ARHGAP26: variants seen among roughly 807,000 people sequenced by gnomAD.
The protein encoded by ARHGAP26 is Rho GTPase activating protein 26.
ARHGAP26 carries 38 observed loss-of-function variants against 104.8 expected under a neutral mutation model. The observed-to-expected ratio is 0.36, with a 90% CI of 0.28 to 0.48. The LOEUF is 0.48. Among genes scored for constraint, ARHGAP26 ranks in the 20% least tolerant of loss-of-function variants. ARHGAP26 has a pLI of 0.99. For synonymous variants in ARHGAP26, 341 were observed against 340.0 expected (o/e 1.00, Z -0.03); for missense variants, 704 against 947.9 (o/e 0.74, Z 3.38).
At chr5:142,975,266 G>T (rs887314662) in intron 11 of ARHGAP26, among the ~76,000 whole-genome samples, 2 of 152,072 alleles carry the variant, frequency 1.3e-5, no homozygotes, top group African/African-American at 4.8e-5. Context: ...TATAAAAGGG[G>T]TAGGACTAGA....
intron 11 of ARHGAP26, among the ~76,000 whole-genome samples, chr5:143,007,194 G>GAA (rs34602049): frequency 2.2e-4 from 15 of 69,514 alleles, no homozygotes; most frequent in Non-Finnish European, 2.6e-4. Context: ...CTCTGTCTCC[G>GAA]AAAAAAAAAA....
intron 1 of ARHGAP26, among the ~76,000 whole-genome samples, chr5:142,782,760 C>T (rs1269030320): frequency 6.6e-6 from 1 of 152,084 alleles, no homozygotes; most frequent in Non-Finnish European, 1.5e-5. Context: ...TCTATTATAC[C>T]TTACAATATT....
At chr5:142,910,888 C>T (rs914517830) in intron 9 of ARHGAP26, among the ~76,000 whole-genome samples, 4 of 152,318 alleles carry the variant, frequency 2.6e-5, no homozygotes, top group Admixed American at 2.6e-4. Flanking sequence ...CAGAGCTCTC[C>T]TAGGAGCTAG....
At position 143,224,099 on chromosome 5, in the gene ARHGAP26, A is replaced by G; in HGVS notation, c.*1653A>G. On this transcript the variant is annotated 3_prime_UTR_variant, in exon 23 of 23. Transcript: ENST00000645722. ...AACTTGAATTGTGTTGAATTACTGTATCTTTTACTTTTTTTTTTTTGAAAA... is the reference window on the plus strand; with the variant it reads ...AACTTGAATTGTGTTGAATTACTGTGTCTTTTACTTTTTTTTTTTTGAAAA... The G allele has an allele frequency of 4.9e-6, 1 of 203,300 alleles. No homozygotes were observed. The highest frequency in any genetic ancestry group is 9.4e-6 in the Non-Finnish European group (1 of 106,800). 12.6% of individuals were successfully genotyped at this position (203,300 alleles called of 1,614,324 possible). A position where few individuals can be genotyped will look rare whatever the true frequency, so the allele number is the denominator to read the frequency against.
Position 143,172,099 on chromosome 5 carries a change from G to A in ARHGAP26, c.1988+24718G>A, listed in dbSNP as rs150021236. ...CCTATTGCCAGCTAAAACTGAGGCA[G>A]CATTTTCAAGAATGCCAAGCCTTTA... On this transcript the variant is annotated intron_variant, in intron 20 of 22. Transcript: ENST00000645722. Among the ~76,000 whole-genome samples, 736 of 152,264 alleles carry A rather than the reference G, an allele frequency of 4.8e-3. 11 individuals are homozygous for A. Among genetic ancestry groups the A allele is most frequent in the African/African-American group, 0.017 (701 of 41,540 alleles).
chr5:142,776,642 G>A (rs1756379477), intron 1 of ARHGAP26, among the ~76,000 whole-genome samples: 1 of 152,114 alleles, frequency 6.6e-6, no homozygotes, highest in Non-Finnish European at 1.5e-5. Context: ...CCATTCACCA[G>A]CTGATGATTT....
intron 17 of ARHGAP26, among the ~76,000 whole-genome samples, chr5:143,106,311 G>A (rs1337496771): frequency 6.6e-6 from 1 of 152,078 alleles, no homozygotes; most frequent in Non-Finnish European, 1.5e-5. Context: ...GGCAGGAGGA[G>A]CAGCCAGAAG....
chr5:142,964,745 T>C (rs173750), intron 11 of ARHGAP26, among the ~76,000 whole-genome samples: 57,854 of 151,916 alleles, frequency 0.38, 12,309 homozygotes, highest in East Asian at 0.78. Flanking sequence ...CTGGATCACC[T>C]GAAATTATCT....
At chr5:142,993,486 A>G (rs1051142411) in intron 11 of ARHGAP26, among the ~76,000 whole-genome samples, 1 of 151,296 alleles carries the variant, frequency 6.6e-6, no homozygotes. Context: ...TGTGTTTTTA[A>G]TAAAGATGGG....
chr5:142,935,753 G>A (rs565889493), intron 11 of ARHGAP26, among the ~76,000 whole-genome samples: 2 of 152,300 alleles, frequency 1.3e-5, no homozygotes, highest in East Asian at 3.9e-4. Flanking sequence ...TGTTGTATGA[G>A]GGAAGGAGGT....
chr5:142,879,289 G>GA, intron 3 of ARHGAP26, 85 bp from the exon 4 acceptor site: 1 of 1,217,854 alleles, frequency 8.2e-7, no homozygotes, highest in East Asian at 2.3e-5. Flanking sequence ...AAGACATGGG[G>GA]AGGCATCTCA....
chr5:142,814,970 A>T (rs1217602936), intron 1 of ARHGAP26, among the ~76,000 whole-genome samples: 1 of 152,192 alleles, frequency 6.6e-6, no homozygotes, highest in Non-Finnish European at 1.5e-5. Flanking sequence ...TGACTCAGGG[A>T]TAGAGCAACA....
intron 17 of ARHGAP26, among the ~76,000 whole-genome samples, chr5:143,077,630 G>A (rs906996423): frequency 1.3e-5 from 2 of 152,218 alleles, no homozygotes; most frequent in East Asian, 3.8e-4. Context: ...AGGTCACCGT[G>A]GCTATGGGGT....
rs73286421 is a variant in ARHGAP26 at position 142,794,268 on chromosome 5, G to A, written c.154+23353G>A. On this transcript the variant is annotated intron_variant, in intron 1 of 22. Coordinates refer to ENST00000645722, the MANE Select transcript of ARHGAP26 (RefSeq NM_001135608.3). ...CATCCTTGAGATAATCCCTGAAGCC[G>A]ACCTGACCCAGCCCCAGAGTAGAGT... Among the ~76,000 whole-genome samples the A allele has an allele frequency of 1.7e-3, 252 of 152,280 alleles. 1 individual carries two copies. The highest frequency in any genetic ancestry group is 5.7e-3 in the African/African-American group (235 of 41,558).
intron 1 of ARHGAP26, among the ~76,000 whole-genome samples, chr5:142,857,171 G>C (rs773452231): frequency 2.6e-5 from 4 of 152,066 alleles, no homozygotes; most frequent in Non-Finnish European, 4.4e-5. Flanking sequence ...TTTAGGACCC[G>C]TCCTAGTCCT....
At chr5:142,830,626 G>C (rs971735130) in intron 1 of ARHGAP26, among the ~76,000 whole-genome samples, 2 of 152,134 alleles carry the variant, frequency 1.3e-5, no homozygotes, top group Non-Finnish European at 2.9e-5. Context: ...AAATGTTACC[G>C]ATAGTATCAA....
chr5:143,217,170 A>C (rs911249711), intron 22 of ARHGAP26, among the ~76,000 whole-genome samples: 12 of 152,124 alleles, frequency 7.9e-5, no homozygotes, highest in Non-Finnish European at 1.8e-4. Context: ...AAGAAGAATG[A>C]ATAAGGAAGA....
chr5:143,207,397 G>C, intron 21 of ARHGAP26, 89 bp downstream of exon 21: 1 of 1,613,984 alleles, frequency 6.2e-7, no homozygotes, highest in Non-Finnish European at 8.5e-7. Flanking sequence ...CAGCCTCCTC[G>C]TCAACTTTGT....
intron 1 of ARHGAP26, among the ~76,000 whole-genome samples, chr5:142,798,645 G>T (rs1162946490): frequency 6.6e-6 from 1 of 152,214 alleles, no homozygotes; most frequent in Non-Finnish European, 1.5e-5. Context: ...ACACTTTGTG[G>T]TATGTAGCGA....
Sources: allele counts gnomAD v4.1 joint callset (sites outside exome capture counted in the v4.1 genomes callset), GRCh38; gene constraint gnomAD v4.1.1; transcripts MANE v1.5; gene names NCBI Gene and HGNC (gene_info 2026-07-23, HGNC 2026-07-21).